The following DDOST variants were observed in gnomAD, a reference collection of about 807,000 sequenced individuals.
The protein encoded by DDOST is dolichyl-diphosphooligosaccharide--protein glycosyltransferase 48 kDa subunit.
In DDOST, 25 loss-of-function variants were observed where a neutral mutation model predicts 47.6. The ratio of observed to expected loss-of-function variants is 0.53; its 90% CI spans 0.38 to 0.73. DDOST has a LOEUF of 0.73. Ranked by LOEUF, DDOST falls within the 30% of genes least tolerant of loss-of-function variation. DDOST has a pLI of 0.00. For synonymous variants in DDOST, 275 were observed against 236.0 expected (o/e 1.17, Z -1.51); for missense variants, 526 against 573.9 (o/e 0.92, Z 0.85).
intron 3 of DDOST, 134 bp downstream of exon 3, chr1:20,655,967 T>G (rs1257322059): frequency 2.4e-5 from 21 of 864,116 alleles, no homozygotes; most frequent in South Asian, 3.0e-5. Context: ...GATTCTGAAC[T>G]GAGAAAACGG....
rs778443667 is a variant in DDOST at position 20,654,685 on chromosome 1, G to T, written c.574C>A (p.Pro192Thr). ...CCCGTCAGGATGTCCAGCACCAAAG[G>T]GTTATCAGGATCGGCCACCATCCTG... ...GVGMVADPDN[P>T]LVLDILTGSS... Residue 192 changes from proline (P) to threonine (T), a missense_variant, in exon 6 of 11, where the codon CCT (proline) becomes ACT (threonine). By Grantham distance (38) the Pro-to-Thr change is conservative (BLOSUM62 -1). Coordinates refer to ENST00000602624, the MANE Select transcript of DDOST (RefSeq NM_005216.5). 1.3e-6 allele frequency: 2 copies of T among 1,560,066 alleles called. No homozygotes were observed. The highest frequency in any genetic ancestry group is 2.7e-5 in the African/African-American group (2 of 73,556).
chr1:20,652,611 C>T lies in DDOST; in HGVS notation c.1170+10G>A. The T allele has an allele frequency of 6.2e-7, 1 of 1,614,194 alleles. No homozygotes were observed. Among genetic ancestry groups the T allele is most frequent in the Non-Finnish European group, 8.5e-7 (1 of 1,179,988 alleles). ...GCTAGCTGAAAACAGAAGCTGTCAC[C>T]TGTGCTTACCTGAGTGGAAGAGTAC... On this transcript the variant is annotated intron_variant, in intron 10 of 10. Transcript: ENST00000602624.
chr1:20,656,200 A>G lies in DDOST; in HGVS notation c.266-13T>C. 6.2e-7 allele frequency: 1 copy of G among 1,611,554 alleles called. No individual in the cohort carries two copies. The highest frequency in any genetic ancestry group is 8.5e-7 in the Non-Finnish European group (1 of 1,177,730). ...TTGCCTCCAAAATCTGAAAGCAGGCACCAGACACAGTGACCCAGAGGTCTC... is the reference window on the plus strand; with the variant it reads ...TTGCCTCCAAAATCTGAAAGCAGGCGCCAGACACAGTGACCCAGAGGTCTC... On this transcript the variant is annotated splice_polypyrimidine_tract_variant and intron_variant, in intron 2 of 10. Coordinates refer to ENST00000602624, the MANE Select transcript of DDOST (RefSeq NM_005216.5).
intron 2 of DDOST, among the ~76,000 whole-genome samples, chr1:20,657,158 G>A (rs1004978288): frequency 3.9e-5 from 6 of 152,192 alleles, no homozygotes; most frequent in Non-Finnish European, 5.9e-5. Flanking sequence ...CAAAGTCCCC[G>A]AGGGGGGTGG....
chr1:20,660,813 C>G, intron 2 of DDOST, 68 bp downstream of exon 2: 4 of 929,116 alleles, frequency 4.3e-6, no homozygotes, highest in Non-Finnish European at 6.9e-6. Flanking sequence ...GCCCAAGAAC[C>G]AGAAGAAAGC....
rs1234291118 is a variant in DDOST, at chr1:20,652,726, A to G, written c.1065T>C (p.Gly355=). ...ACTTGAACTGAACACTGTATTTGCC[A>G]CCTGCGGAAGAACCAACAAGAATAA... ...PFVRTFLKKK[G]GKYSVQFKLP... The change falls in exon 10 of 11, where the codon GGT becomes GGC. Residue 355 remains glycine (G), a splice_region_variant and synonymous_variant. Transcript: ENST00000602624. The G allele has an allele frequency of 1.9e-6, 3 of 1,614,174 alleles. No homozygotes were observed. The East Asian group carries it at 6.7e-5, about 36-fold the overall frequency.
In DDOST at chr1:20,652,428, A is replaced by G. The variant is rs767848609; in HGVS notation, c.1271T>C (p.Ile424Thr). ...SAFSMMLGLFIFSIVFLHMKE... is the reference protein window; with the variant it reads ...SAFSMMLGLFTFSIVFLHMKE... ...CATGTGCAAGAAGACGATGCTGAAG[A>G]TGAAGAGCCCCAGCATCATGGAGAA... Residue 424 changes from isoleucine to threonine, a missense_variant, in exon 11 of 11, where the codon ATC becomes ACC. Physicochemically the swap from Ile to Thr is moderately conservative, Grantham distance 89. Coordinates refer to ENST00000602624, the MANE Select transcript of DDOST (RefSeq NM_005216.5). The G allele has an allele frequency of 5.6e-6, 9 of 1,613,814 alleles. No homozygotes were observed. The highest frequency in any genetic ancestry group is 3.3e-5 in the Admixed American group (2 of 59,986).
Position 20,661,173 on chromosome 1 carries a change from T to C in DDOST, c.154+24A>G, listed in dbSNP as rs573529962. 6 of 1,610,250 alleles carry C rather than the reference T, an allele frequency of 3.7e-6. No individual in the cohort carries two copies. In the South Asian group the frequency reaches 4.4e-5, roughly 12 times the overall value. ...GTACCAACCCCAGGCCCCCACACGC[T>C]ACCCCCTCGGACCCCGCTCTCACCC... On this transcript the variant is annotated intron_variant, in intron 1 of 10. Coordinates refer to ENST00000602624, the MANE Select transcript of DDOST (RefSeq NM_005216.5).
In DDOST at chr1:20,653,017, C is replaced by A. The variant is rs374150866; in HGVS notation, c.943-46G>T. ...AGCCAGGGCTGGCCATGACTGGAGG[C>A]CTTCCACCACCTGCAGGCAGAGCTG... is the stretch of plus-strand genomic sequence containing the variant. On this transcript the variant is annotated intron_variant, in intron 8 of 10. Transcript: ENST00000602624. The A allele has an allele frequency of 3.2e-5, 51 of 1,609,350 alleles. No homozygotes were observed. In the African/African-American group the frequency reaches 6.3e-4, roughly 20 times the overall value.
chr1:20,658,025 C>A (rs1400684101), intron 2 of DDOST, among the ~76,000 whole-genome samples: 2 of 152,198 alleles, frequency 1.3e-5, no homozygotes, highest in East Asian at 3.8e-4. Context: ...GTACACAGGA[C>A]AGCCTCACTA....
Position 20,656,299 on chromosome 1 carries a change from C to T in DDOST, c.266-112G>A, listed in dbSNP as rs899194314. 3 of 790,284 alleles carry T rather than the reference C, an allele frequency of 3.8e-6. No homozygotes were observed. In the African/African-American group the frequency reaches 5.1e-5, roughly 14 times the overall value. 49.0% of individuals were successfully genotyped at this position (790,284 alleles called of 1,614,324 possible). On this transcript the variant is annotated intron_variant, in intron 2 of 10. Coordinates refer to ENST00000602624, the MANE Select transcript of DDOST (RefSeq NM_005216.5). ...GCAGCCACGATCACTCACAGAGCAGCACCCTCTGGGGGCCACAATGAGGGA... is the reference window on the plus strand; with the variant it reads ...GCAGCCACGATCACTCACAGAGCAGTACCCTCTGGGGGCCACAATGAGGGA...
At position 20,654,686 on chromosome 1, in the gene DDOST, G is replaced by T. The variant is rs1038330038; in HGVS notation, c.573C>A (p.Asn191Lys). The T allele has an allele frequency of 9.6e-6, 15 of 1,559,860 alleles. No individual in the cohort carries two copies. In the African/African-American group the frequency reaches 1.1e-4, roughly 11 times the overall value. Residue 191 changes from asparagine to lysine, a missense_variant, in exon 6 of 11, where the codon AAC becomes AAA. Transcript: ENST00000602624. ...RGVGMVADPD[N>K]PLVLDILTGS... ...CCGTCAGGATGTCCAGCACCAAAGG[G>T]TTATCAGGATCGGCCACCATCCTGC...
intron 2 of DDOST, among the ~76,000 whole-genome samples, chr1:20,659,305 T>C (rs2154534391): frequency 6.6e-6 from 1 of 152,248 alleles, no homozygotes; most frequent in South Asian, 2.1e-4. Context: ...TCTCTGTCGT[T>C]TCTCCCACCA....
intron 1 of DDOST, 78 bp from the exon 2 acceptor site, chr1:20,661,069 C>A: frequency 6.8e-7 from 1 of 1,474,822 alleles, no homozygotes; most frequent in South Asian, 1.2e-5. Flanking sequence ...CGGACCCGCA[C>A]GCCAAGCGGC....
At chr1:20,652,814 G>T (rs750576584) in intron 9 of DDOST, 37 bp downstream of exon 9, 145 of 1,613,620 alleles carry the variant, frequency 9.0e-5, no homozygotes, top group Middle Eastern at 6.6e-4. Context: ...GCCTGGGGCC[G>T]TTTCTGGCAG....
At chr1:20,658,583 C>T (rs1570417673) in intron 2 of DDOST, among the ~76,000 whole-genome samples, 1 of 152,392 alleles carries the variant, frequency 6.6e-6, no homozygotes, top group East Asian at 1.9e-4. Flanking sequence ...CCTTATTTTT[C>T]AAGCTTTCTC....
At chr1:20,659,787 C>G (rs1284145683) in intron 2 of DDOST, among the ~76,000 whole-genome samples, 1 of 152,084 alleles carries the variant, frequency 6.6e-6, no homozygotes, top group Non-Finnish European at 1.5e-5. Flanking sequence ...ATAAAGAAGC[C>G]ATGTCCCAGT....
intron 8 of DDOST, 53 bp from the exon 9 acceptor site, chr1:20,653,024 C>A: frequency 6.2e-7 from 1 of 1,608,724 alleles, no homozygotes; most frequent in African/African-American, 1.3e-5. Context: ...AGGCCTTCCA[C>A]CACCTGCAGG....
rs1172956368 is a variant in DDOST, at chr1:20,655,988, G to C, written c.352+113C>G. ...GAACTGAGAAAACGGTTCCCTCACT[G>C]ACTCCCCAGCTAAGGCCCACCCAGT... On this transcript the variant is annotated intron_variant, in intron 3 of 10. Coordinates refer to ENST00000602624, the MANE Select transcript of DDOST (RefSeq NM_005216.5). 5.3e-6 allele frequency: 5 copies of C among 948,298 alleles called. No individual in the cohort carries two copies. The East Asian group carries it at 1.2e-4, about 23-fold the overall frequency. 58.7% of individuals were successfully genotyped at this position (948,298 alleles called of 1,614,324 possible). A position where few individuals can be genotyped will look rare whatever the true frequency, so the allele number is the denominator to read the frequency against.
Sources: gnomAD v4.1 joint callset for allele counts (sites outside exome capture counted in the v4.1 genomes callset) on GRCh38, gnomAD v4.1.1 for gene constraint, MANE v1.5 for transcripts, NCBI Gene and HGNC (gene_info 2026-07-23, HGNC 2026-07-21) for gene names.